Variants in TXNRD3 observed in about 807,000 individuals in gnomAD.
The protein encoded by TXNRD3 is TXNRD3 neighbor gene protein.
Under a neutral mutation model 78.2 loss-of-function variants are expected in TXNRD3, and 68 were observed. The ratio of observed to expected loss-of-function variants is 0.87; its 90% CI spans 0.72 to 1.06. The LOEUF (loss-of-function observed/expected upper bound fraction) is 1.06, where lower values mean the gene tolerates loss of function less well. TXNRD3 is among the 50% of genes least tolerant of loss of function. The probability of loss-of-function intolerance (pLI) is 0.00; values close to 1 mark genes in which losing one functional copy is unlikely to be tolerated. For missense variants in TXNRD3, 751 were observed against 809.5 expected (o/e 0.93, Z 0.88); for synonymous variants, 296 against 300.1 (o/e 0.99, Z 0.14).
At chr3:126,647,655 C>G (rs1353001378) in intron 1 of TXNRD3, among the ~76,000 whole-genome samples, 2 of 152,174 alleles carry the variant, frequency 1.3e-5, no homozygotes, top group South Asian at 2.1e-4. Context: ...CTCAGTAAGA[C>G]CCCATCTCTA....
At chr3:126,653,826 A>T (rs1179453831) in intron 1 of TXNRD3, among the ~76,000 whole-genome samples, 2 of 152,230 alleles carry the variant, frequency 1.3e-5, no homozygotes, top group African/African-American at 4.8e-5. Context: ...GGTACGATTC[A>T]TCCCAGGGAA....
At chr3:126,611,998 C>A (rs1456559242) in intron 13 of TXNRD3, among the ~76,000 whole-genome samples, 2 of 152,084 alleles carry the variant, frequency 1.3e-5, no homozygotes, top group Admixed American at 6.5e-5. Context: ...TTGTTTTTAA[C>A]AGAAGAGAAA....
intron 1 of TXNRD3, among the ~76,000 whole-genome samples, chr3:126,654,421 G>A (rs1482722654): frequency 1.3e-5 from 2 of 152,202 alleles, no homozygotes; most frequent in Admixed American, 6.5e-5. Context: ...AGTCCGCCCC[G>A]AAAAGTTAAG....
intron 12 of TXNRD3, among the ~76,000 whole-genome samples, chr3:126,617,228 C>A (rs1437880089): frequency 6.6e-6 from 1 of 152,136 alleles, no homozygotes; most frequent in Non-Finnish European, 1.5e-5. Flanking sequence ...CCGTCTTGAG[C>A]CTTTCATCTC....
Position 126,631,758 on chromosome 3 carries a change from C to T in TXNRD3, c.971+6G>A. On this transcript the variant is annotated splice_donor_region_variant and intron_variant, in intron 8 of 15. Transcript: ENST00000524230. Reference sequence around the variant, plus strand: ...ATTAAAGTTAAAATAGTCTATTTAACCTTACCTAGTAATACAGTATTCTTT... The same window carrying T: ...ATTAAAGTTAAAATAGTCTATTTAATCTTACCTAGTAATACAGTATTCTTT... 6.7e-7 allele frequency: 1 copy of T among 1,492,586 alleles called. No homozygotes were observed. The highest frequency in any genetic ancestry group is 1.7e-4 in the Middle Eastern group (1 of 5,896). The allele number at this position is 1,492,586 out of a possible 1,614,324, so 92.5% of individuals were successfully genotyped here. A position where few individuals can be genotyped will look rare whatever the true frequency, so the allele number is the denominator to read the frequency against.
In TXNRD3 at chr3:126,607,611, G is replaced by C. The variant is rs1170523141; in HGVS notation, c.*294C>G. On this transcript the variant is annotated 3_prime_UTR_variant, in exon 16 of 16. Transcript: ENST00000524230. ...GTGCCACTCAAAGGTCTTTCCGAGGGAAGCTCAGTCCTGGCTTGCGAGAGT... is the reference window on the plus strand; with the variant it reads ...GTGCCACTCAAAGGTCTTTCCGAGGCAAGCTCAGTCCTGGCTTGCGAGAGT... 4 of 287,970 alleles carry C rather than the reference G, an allele frequency of 1.4e-5. No individual in the cohort carries two copies. The highest frequency in any genetic ancestry group is 8.7e-5 in the African/African-American group (4 of 46,088). The allele number at this position is 287,970 out of a possible 1,614,324, so 17.8% of individuals were successfully genotyped here.
intron 3 of TXNRD3, 47 bp downstream of exon 3, chr3:126,646,064 T>C (rs756725609): frequency 2.1e-6 from 3 of 1,407,106 alleles, no homozygotes; most frequent in Admixed American, 2.8e-5. Flanking sequence ...AATACTTTTT[T>C]AAAATATGAA....
chr3:126,631,487 T>C (rs1938712988), intron 8 of TXNRD3, among the ~76,000 whole-genome samples: 1 of 152,276 alleles, frequency 6.6e-6, no homozygotes, highest in African/African-American at 2.4e-5. Context: ...TTCTTTGTTT[T>C]GGCCTGTAAG....
intron 5 of TXNRD3, 126 bp downstream of exon 5, chr3:126,643,855 T>G: frequency 1.1e-6 from 1 of 915,926 alleles, no homozygotes; most frequent in East Asian, 2.7e-5. Context: ...CTAGACTCGC[T>G]TGTTTTCTTA....
At chr3:126,614,989 C>T (rs1455260048) in intron 13 of TXNRD3, among the ~76,000 whole-genome samples, 1 of 152,074 alleles carries the variant, frequency 6.6e-6, no homozygotes, top group Non-Finnish European at 1.5e-5. Context: ...ATCTGAAGAG[C>T]CCACAGGCAG....
chr3:126,640,249 C>T lies in TXNRD3; in HGVS notation c.712+1783G>A, dbSNP rs1401311405. Among the ~76,000 whole-genome samples the T allele has an allele frequency of 3.5e-4, 12 of 34,342 alleles. 1 individual carries two copies. The highest frequency in any genetic ancestry group is 1.5e-3 in the East Asian group (3 of 2,012). The allele number at this position is 34,342 out of a possible 152,430, so 22.5% of individuals were successfully genotyped here. Reference sequence around the variant, plus strand: ...CCTCCCGAGTAGCTGGGACTACAGGCGCCCGCCACTACGCCCGGCTAATTT... The same window carrying T: ...CCTCCCGAGTAGCTGGGACTACAGGTGCCCGCCACTACGCCCGGCTAATTT... On this transcript the variant is annotated intron_variant, in intron 6 of 15. Coordinates refer to ENST00000524230, the MANE Select transcript of TXNRD3 (RefSeq NM_052883.3).
chr3:126,633,784 C>T (rs1034320091), intron 7 of TXNRD3, 125 bp downstream of exon 7: 6 of 514,020 alleles, frequency 1.2e-5, no homozygotes, highest in African/African-American at 5.9e-5. Flanking sequence ...CATGCATGGC[C>T]GTGTGTGTGT....
intron 5 of TXNRD3, among the ~76,000 whole-genome samples, chr3:126,642,967 G>A (rs1401955780): frequency 2.0e-5 from 3 of 152,280 alleles, no homozygotes; most frequent in South Asian, 4.1e-4. Flanking sequence ...AGCAGGAAGA[G>A]CAAAAAGGGA....
chr3:126,630,712 C>T lies in TXNRD3; in HGVS notation c.1197G>A (p.Met399Ile), dbSNP rs902576672. The T allele has an allele frequency of 1.8e-5, 28 of 1,534,042 alleles. No homozygotes were observed. Among genetic ancestry groups the T allele is most frequent in the Non-Finnish European group, 2.3e-5 (26 of 1,146,776 alleles). Reference sequence around the variant, plus strand: ...AATTGCAAATGCCATGCAGCCTTACCATCACAGGTATGAATTTCCGTAGGA... The same window carrying T: ...AATTGCAAATGCCATGCAGCCTTACTATCACAGGTATGAATTTCCGTAGGA... The change falls in exon 9 of 16, where the codon ATG becomes ATA. Residue 399 changes from methionine (M) to isoleucine (I), a missense_variant and splice_region_variant. Met to Ile is a conservative substitution (Grantham distance 10). Transcript: ENST00000524230.
intron 10 of TXNRD3, chr3:126,626,169 C>T (rs1938575491): frequency 6.6e-6 from 1 of 152,106 alleles, no homozygotes. Flanking sequence ...AGATTATGGA[C>T]TTAAACATAA....
At chr3:126,643,542 T>G (rs1933145023) in intron 5 of TXNRD3, among the ~76,000 whole-genome samples, 1 of 152,156 alleles carries the variant, frequency 6.6e-6, no homozygotes, top group Non-Finnish European at 1.5e-5. Flanking sequence ...CACGACACAG[T>G]ACATACACTG....
chr3:126,653,437 G>A (rs1021852569), intron 1 of TXNRD3, among the ~76,000 whole-genome samples: 2 of 152,238 alleles, frequency 1.3e-5, no homozygotes, highest in African/African-American at 4.8e-5. Context: ...TAATTTCACA[G>A]AAGAGGAAGC....
intron 7 of TXNRD3, among the ~76,000 whole-genome samples, chr3:126,633,537 GAAT>G (rs1399645096): frequency 6.6e-6 from 1 of 152,100 alleles, no homozygotes. Flanking sequence ...ATGCTTTTAT[GAAT>G]AATATAATAT....
At chr3:126,616,041 C>T (rs1270382047) in intron 12 of TXNRD3, among the ~76,000 whole-genome samples, 1 of 152,150 alleles carries the variant, frequency 6.6e-6, no homozygotes, top group African/African-American at 2.4e-5. Context: ...GACCACAGGT[C>T]ATCTCTATAG....
Sources: gnomAD v4.1 joint callset for allele counts (sites outside exome capture counted in the v4.1 genomes callset) on GRCh38, gnomAD v4.1.1 for gene constraint, MANE v1.5 for transcripts, NCBI Gene and HGNC (gene_info 2026-07-23, HGNC 2026-07-21) for gene names.